Variants in EIF2B1 observed in about 807,000 individuals in gnomAD.
The protein encoded by EIF2B1 is translation initiation factor eIF2B subunit alpha.
A neutral mutation model predicts 36.8 loss-of-function variants in EIF2B1; 30 were observed. That is an observed-to-expected ratio of 0.81 (90% CI 0.61 to 1.10). The LOEUF (loss-of-function observed/expected upper bound fraction) is 1.10. EIF2B1 is among the 50% of genes least tolerant of loss of function. The probability of loss-of-function intolerance (pLI) is 0.00; values close to 1 mark genes in which losing one functional copy is unlikely to be tolerated. For missense variants in EIF2B1, 271 were observed against 374.8 expected, an observed-to-expected ratio of 0.72 and a Z score of 2.29; for synonymous variants, 139 against 142.2, an observed-to-expected ratio of 0.98 and a Z score of 0.16.
chr12:123,629,971 C>T, intron 4 of EIF2B1, 198 bp downstream of exon 4: 2 of 641,406 alleles, frequency 3.1e-6, no homozygotes, highest in Admixed American at 2.3e-5. Context: ...CATGTCTTGC[C>T]TCATTTAATC....
intron 7 of EIF2B1, among the ~76,000 whole-genome samples, chr12:123,624,110 A>C (rs1449520783): frequency 7.0e-6 from 1 of 141,918 alleles, no homozygotes; most frequent in Non-Finnish European, 1.6e-5. Flanking sequence ...TAAATATATA[A>C]ATAATATTTT....
chr12:123,630,030 G>A lies in EIF2B1; in HGVS notation c.369+139C>T. On this transcript the variant is annotated intron_variant, in intron 4 of 8. Transcript: ENST00000424014. The surrounding 1 kb of genome is among the most constrained non-coding windows in gnomAD (Gnocchi z 4.6). ...GTACTATTGTCATCCTTATTTAACAGATGAGAAAGCTGCACAGACAGGTTA... is the reference window on the plus strand; with the variant it reads ...GTACTATTGTCATCCTTATTTAACAAATGAGAAAGCTGCACAGACAGGTTA... The A allele has an allele frequency of 1.3e-6, 1 of 788,828 alleles. No homozygotes were observed. The highest frequency in any genetic ancestry group is 1.4e-5 in the South Asian group (1 of 71,996). The allele number at this position is 788,828 out of a possible 1,614,324, so 48.9% of individuals were successfully genotyped here.
At chr12:123,628,525 G>C (rs1308165563) in intron 4 of EIF2B1, among the ~76,000 whole-genome samples, 4 of 151,778 alleles carry the variant, frequency 2.6e-5, no homozygotes, top group Admixed American at 2.6e-4. Flanking sequence ...ACCACGCCTG[G>C]CTAACTTTTT....
intron 7 of EIF2B1, among the ~76,000 whole-genome samples, chr12:123,623,197 T>C (rs868023399): frequency 6.6e-6 from 1 of 151,888 alleles, no homozygotes; most frequent in East Asian, 1.9e-4. Flanking sequence ...CTGGCCAATA[T>C]AGGGAAACCC....
rs1454509582 is a variant in EIF2B1, at chr12:123,630,322, A to G, written c.253-37T>C. The G allele has an allele frequency of 6.2e-7, 1 of 1,614,098 alleles. No individual in the cohort carries two copies. Among genetic ancestry groups the G allele is most frequent in the Non-Finnish European group, 8.5e-7 (1 of 1,179,942 alleles). ...AGAGCAAACTGAGGGGACAGGGAAG[A>G]TCCAGTTAATGCTGAGAATGTCTGT... On this transcript the variant is annotated intron_variant, in intron 3 of 8. Transcript: ENST00000424014. The surrounding 1 kb of genome is among the most constrained non-coding windows in gnomAD (Gnocchi z 4.6).
intron 1 of EIF2B1, 47 bp downstream of exon 1, chr12:123,633,497 CT>C (rs772153855): frequency 4.3e-6 from 7 of 1,613,656 alleles, no homozygotes; most frequent in Non-Finnish European, 5.1e-6. Flanking sequence ...GGGGGGACCC[CT>C]GAACGGCGCT....
intron 2 of EIF2B1, among the ~76,000 whole-genome samples, chr12:123,631,360 A>G (rs1955185144): frequency 1.3e-5 from 2 of 152,044 alleles, no homozygotes; most frequent in Admixed American, 6.5e-5. Context: ...CTCACTTTCT[A>G]CATTTCTAAG....
chr12:123,621,661 C>T lies in EIF2B1; in HGVS notation c.*95G>A. The T allele has an allele frequency of 2.0e-6, 3 of 1,489,148 alleles. No individual in the cohort carries two copies. In the South Asian group the frequency reaches 3.4e-5, roughly 17 times the overall value. The allele number at this position is 1,489,148 out of a possible 1,614,324, so 92.2% of individuals were successfully genotyped here. Reference sequence around the variant, plus strand: ...TTACTCCATAAATCTTCATTAAACACATCTCAGTTTTGGCCTGACTCACTG... The same window carrying T: ...TTACTCCATAAATCTTCATTAAACATATCTCAGTTTTGGCCTGACTCACTG... On this transcript the variant is annotated 3_prime_UTR_variant, in exon 9 of 9. Transcript: ENST00000424014.
In EIF2B1 at chr12:123,630,122, C is replaced by T; in HGVS notation, c.369+47G>A. On this transcript the variant is annotated intron_variant, in intron 4 of 8. Transcript: ENST00000424014. This position sits in a 1 kb window ranked among gnomAD's most constrained non-coding sequence, Gnocchi z 4.6. ...CCGGATTTTACCCCAGGCAGTCGGA[C>T]TCGAAACCGTTGCTCCTCCTTACCA... The T allele has an allele frequency of 1.9e-6, 3 of 1,566,408 alleles. No homozygotes were observed. Among genetic ancestry groups the T allele is most frequent in the Non-Finnish European group, 2.6e-6 (3 of 1,138,442 alleles).
intron 7 of EIF2B1, among the ~76,000 whole-genome samples, chr12:123,623,909 G>C (rs1049298761): frequency 6.6e-6 from 1 of 152,038 alleles, no homozygotes; most frequent in Non-Finnish European, 1.5e-5. Flanking sequence ...CGGCCACAGT[G>C]GCTCATGCCT....
chr12:123,626,350 T>C (rs1371703865), intron 6 of EIF2B1, 75 bp downstream of exon 6: 1 of 1,590,382 alleles, frequency 6.3e-7, no homozygotes, highest in Non-Finnish European at 8.6e-7. Context: ...GGACTCAAAC[T>C]TTCAATCTGA....
rs1566216896 is a variant in EIF2B1, at chr12:123,630,074, CCA to C, written c.369+93_369+94del. 8 of 1,046,214 alleles carry C rather than the reference CCA, an allele frequency of 7.6e-6. No individual in the cohort carries two copies. The highest frequency in any genetic ancestry group is 1.2e-5 in the Non-Finnish European group (8 of 670,204). The allele number at this position is 1,046,214 out of a possible 1,614,324, so 64.8% of individuals were successfully genotyped here. A position where few individuals can be genotyped will look rare whatever the true frequency, so the allele number is the denominator to read the frequency against. ...CAGGTTAAGTTACTTGTTCAAGTCTCCACAGCAAGTGAGTGGCAGAGCCCGGA... is the reference window on the plus strand; with the variant it reads ...CAGGTTAAGTTACTTGTTCAAGTCTCCAGCAAGTGAGTGGCAGAGCCCGGA... On this transcript the variant is annotated intron_variant, in intron 4 of 8. Coordinates refer to ENST00000424014, the MANE Select transcript of EIF2B1 (RefSeq NM_001414.4). This position sits in a 1 kb window ranked among gnomAD's most constrained non-coding sequence, Gnocchi z 4.6.
chr12:123,629,795 A>C (rs1955174570), intron 4 of EIF2B1, among the ~76,000 whole-genome samples: 1 of 151,744 alleles, frequency 6.6e-6, no homozygotes, highest in African/African-American at 2.4e-5. Context: ...TCCGTCTCAA[A>C]ATAAATAAAT....
intron 6 of EIF2B1, 92 bp from the exon 7 acceptor site, chr12:123,624,954 G>C: frequency 8.2e-7 from 1 of 1,226,756 alleles, no homozygotes; most frequent in Non-Finnish European, 1.2e-6. Context: ...TTTCTATCAA[G>C]GTAAGTTCCT....
intron 8 of EIF2B1, 24 bp from the exon 9 acceptor site, chr12:123,621,944 T>A: frequency 6.2e-7 from 1 of 1,613,298 alleles, no homozygotes; most frequent in Non-Finnish European, 8.5e-7. Context: ...TACACATTAG[T>A]CGGCACTGAA....
chr12:123,622,083 T>C (rs997119880), intron 8 of EIF2B1, among the ~76,000 whole-genome samples, 163 bp from the exon 9 acceptor site: 1 of 152,180 alleles, frequency 6.6e-6, no homozygotes, highest in Non-Finnish European at 1.5e-5. Context: ...GTTGTGGCCA[T>C]GAGCCAGATC....
rs367620678 is a variant in EIF2B1 at position 123,631,461 on chromosome 12, C to T, written c.115+884G>A. On this transcript the variant is annotated intron_variant, in intron 2 of 8. Coordinates refer to ENST00000424014, the MANE Select transcript of EIF2B1 (RefSeq NM_001414.4). The stretch of plus-strand genomic sequence containing the variant: ...GGCGAGGCGGACGGATCACCTGAGG[C>T]TAGGAGTTTAAGACCACTGTGGCCA... 2.6e-5 allele frequency among the ~76,000 whole-genome samples: 4 copies of T among 151,632 alleles called. No individual in the cohort carries two copies. The East Asian group carries it at 7.8e-4, about 30-fold the overall frequency.
In EIF2B1 at chr12:123,633,607, CTCG is replaced by C; in HGVS notation, c.-53_-51del. On this transcript the variant is annotated 5_prime_UTR_variant, in exon 1 of 9. Coordinates refer to ENST00000424014, the MANE Select transcript of EIF2B1 (RefSeq NM_001414.4). ...AGGGGACCCGAGCCGCCCGCGCTGT[CTCG>C]AACGGGTCCGCCGGCCGCGCCGCCT... is the stretch of plus-strand genomic sequence containing the variant. 6.2e-7 allele frequency: 1 copy of C among 1,603,082 alleles called. No homozygotes were observed. Among genetic ancestry groups the C allele is most frequent in the Non-Finnish European group, 8.5e-7 (1 of 1,179,650 alleles).
chr12:123,623,754 G>A (rs1401444896), intron 7 of EIF2B1, among the ~76,000 whole-genome samples: 5 of 152,082 alleles, frequency 3.3e-5, no homozygotes, highest in Non-Finnish European at 7.3e-5. Context: ...GATTATAGGC[G>A]TGAGCTACTA....
Sources: allele counts gnomAD v4.1 joint callset (sites outside exome capture counted in the v4.1 genomes callset), GRCh38; gene constraint gnomAD v4.1.1; non-coding constraint Gnocchi (gnomAD v3.1); transcripts MANE v1.5; gene names NCBI Gene and HGNC (gene_info 2026-07-23, HGNC 2026-07-21).